The following MSRB3 variants were observed in gnomAD, a reference collection of about 807,000 sequenced individuals.
The protein encoded by MSRB3 is methionine sulfoxide reductase B3.
In MSRB3, 13 loss-of-function variants were observed where a neutral mutation model predicts 21.0. The observed-to-expected ratio is 0.62, with a 90% CI of 0.40 to 0.98. The LOEUF is 0.98. Among genes scored for constraint, MSRB3 ranks in the 50% least tolerant of loss-of-function variants. The pLI is 0.00. For synonymous variants in MSRB3, 87 were observed against 88.6 expected, an observed-to-expected ratio of 0.98 and a Z score of 0.10; for missense variants, 199 against 230.3, an observed-to-expected ratio of 0.86 and a Z score of 0.88.
At chr12:65,425,689 T>C (rs968368768) in intron 5 of MSRB3, among the ~76,000 whole-genome samples, 1 of 151,046 alleles carries the variant, frequency 6.6e-6, no homozygotes, top group African/African-American at 2.4e-5. Flanking sequence ...AGTTTACATC[T>C]TTTTTTTTGT....
At chr12:65,368,928 C>T (rs1057133746) in intron 4 of MSRB3, 70 bp from the exon 5 acceptor site, 3 of 590,688 alleles carry the variant, frequency 5.1e-6, no homozygotes, top group Non-Finnish European at 3.1e-6. Flanking sequence ...ACCACACCCC[C>T]CCCCCCCATG....
In MSRB3 at chr12:65,278,724, G is replaced by T; in HGVS notation, c.-193G>T. ...CGTCCGTCGCCCGGAGCCGGGGAGG[G>T]AGGGAGCGAGGTTCGGACACCGGCG... is the stretch of plus-strand genomic sequence containing the variant. On this transcript the variant is annotated 5_prime_UTR_variant, in exon 1 of 7. Transcript: ENST00000308259. 6.5e-7 allele frequency: 1 copy of T among 1,527,158 alleles called. No individual in the cohort carries two copies. The allele number at this position is 1,527,158 out of a possible 1,614,324, so 94.6% of individuals were successfully genotyped here. A position where few individuals can be genotyped will look rare whatever the true frequency, so the allele number is the denominator to read the frequency against.
At chr12:65,307,031 T>C (rs1321552789) in intron 1 of MSRB3, 2 of 985,698 alleles carry the variant, frequency 2.0e-6, no homozygotes, top group African/African-American at 3.5e-5. Flanking sequence ...TGCTAAGTAA[T>C]TACATTTACT....
At chr12:65,336,290 T>C (rs1227828246) in intron 4 of MSRB3, among the ~76,000 whole-genome samples, 18 of 152,304 alleles carry the variant, frequency 1.2e-4, no homozygotes, top group Middle Eastern at 3.4e-3. Flanking sequence ...AACAACTCCA[T>C]TTGAGAAACT....
At chr12:65,437,049 T>A (rs1433490344) in intron 5 of MSRB3, among the ~76,000 whole-genome samples, 1 of 151,888 alleles carries the variant, frequency 6.6e-6, no homozygotes, top group Non-Finnish European at 1.5e-5. Context: ...ATAATACTCA[T>A]TGGAGATGGT....
chr12:65,438,007 G>T (rs1221009957), intron 5 of MSRB3, among the ~76,000 whole-genome samples: 1 of 151,924 alleles, frequency 6.6e-6, no homozygotes, highest in African/African-American at 2.4e-5. Flanking sequence ...TGTCCCTGAT[G>T]AGATAATTAT....
chr12:65,297,659 G>A (rs1434274044), intron 1 of MSRB3, among the ~76,000 whole-genome samples: 3 of 152,140 alleles, frequency 2.0e-5, no homozygotes, highest in Non-Finnish European at 4.4e-5. Flanking sequence ...AACCTGATGG[G>A]TCTTGAATAC....
chr12:65,454,692 A>G (rs1170702852), intron 6 of MSRB3, among the ~76,000 whole-genome samples: 2 of 152,204 alleles, frequency 1.3e-5, no homozygotes, highest in Non-Finnish European at 2.9e-5. Flanking sequence ...CTCCTGATAT[A>G]CAGACATCCT....
intron 6 of MSRB3, among the ~76,000 whole-genome samples, chr12:65,460,617 C>G (rs1461641806): frequency 6.6e-6 from 1 of 152,136 alleles, no homozygotes; most frequent in Non-Finnish European, 1.5e-5. Context: ...GAAGCCATAA[C>G]TATCATTTTC....
chr12:65,436,505 G>C (rs919215984), intron 5 of MSRB3, among the ~76,000 whole-genome samples: 1 of 151,580 alleles, frequency 6.6e-6, no homozygotes, highest in Non-Finnish European at 1.5e-5. Flanking sequence ...ACATTTTCCT[G>C]TAGGCTTTGC....
At chr12:65,302,570 A>T (rs907015958) in intron 1 of MSRB3, among the ~76,000 whole-genome samples, 3 of 152,014 alleles carry the variant, frequency 2.0e-5, no homozygotes, top group African/African-American at 7.3e-5. Context: ...GTTAAAAAAA[A>T]TTACCTCTTA....
chr12:65,345,617 C>T (rs187494008), intron 4 of MSRB3, among the ~76,000 whole-genome samples: 90 of 152,180 alleles, frequency 5.9e-4, no homozygotes, highest in African/African-American at 1.9e-3. Context: ...TTTTAGGGTA[C>T]GTATGCACAA....
At chr12:65,441,798 A>G (rs1882393794) in intron 5 of MSRB3, among the ~76,000 whole-genome samples, 2 of 152,038 alleles carry the variant, frequency 1.3e-5, no homozygotes, top group Admixed American at 6.6e-5. Flanking sequence ...AGGTTCCTTC[A>G]TGCCTTTTCG....
At chr12:65,451,980 A>G (rs114202863) in intron 5 of MSRB3, among the ~76,000 whole-genome samples, 29 of 152,352 alleles carry the variant, frequency 1.9e-4, no homozygotes, top group African/African-American at 6.7e-4. Context: ...AAGCATGAAA[A>G]TAAATTACAA....
intron 4 of MSRB3, among the ~76,000 whole-genome samples, chr12:65,351,012 T>C (rs1398709654): frequency 2.0e-5 from 3 of 151,064 alleles, no homozygotes; most frequent in Non-Finnish European, 4.4e-5. Flanking sequence ...AATATACATT[T>C]TTTTCAGCAC....
intron 4 of MSRB3, among the ~76,000 whole-genome samples, chr12:65,359,885 G>A (rs779490506): frequency 6.6e-6 from 1 of 152,110 alleles, no homozygotes; most frequent in South Asian, 2.1e-4. Flanking sequence ...TAGAAGAAGT[G>A]AAATGTATGA....
intron 4 of MSRB3, among the ~76,000 whole-genome samples, chr12:65,368,271 G>T (rs1037293651): frequency 2.0e-5 from 3 of 152,148 alleles, no homozygotes; most frequent in African/African-American, 7.2e-5. Flanking sequence ...ATTGATTGTT[G>T]ATGTGTGATA....
chr12:65,361,804 G>T (rs1449843392), intron 4 of MSRB3, among the ~76,000 whole-genome samples: 4 of 152,112 alleles, frequency 2.6e-5, no homozygotes, highest in Non-Finnish European at 1.5e-5. Context: ...CATAATAGTT[G>T]TAATTGTATC....
At chr12:65,303,750 C>G (rs1435308913) in intron 1 of MSRB3, among the ~76,000 whole-genome samples, 1 of 151,910 alleles carries the variant, frequency 6.6e-6, no homozygotes, top group African/African-American at 2.4e-5. Context: ...AAATCAGTGC[C>G]CTGAAAGTTG....
Sources: allele counts gnomAD v4.1 joint callset (sites outside exome capture counted in the v4.1 genomes callset), GRCh38; gene constraint gnomAD v4.1.1; transcripts MANE v1.5; gene names NCBI Gene and HGNC (gene_info 2026-07-23, HGNC 2026-07-21).